FMR1: variants seen among roughly 807,000 people sequenced by gnomAD.
The protein encoded by FMR1 is fragile X messenger ribonucleoprotein 1, also known as FMRP translational regulator 1.
Under a neutral mutation model 50.6 loss-of-function variants are expected in FMR1, and 13 were observed. The observed-to-expected ratio is 0.26, with a 90% confidence interval of 0.17 to 0.41. FMR1 has a LOEUF of 0.41. Ranked by LOEUF, FMR1 falls within the 10% of genes least tolerant of loss-of-function variation. The pLI is 1.00. For missense variants in FMR1, 316 were observed against 491.3 expected, an observed-to-expected ratio of 0.64 and a Z score of 3.37; for synonymous variants, 138 against 164.1, an observed-to-expected ratio of 0.84 and a Z score of 1.22.
chrX:147,916,698 C>CTTTGTTTCTTTGG (rs2042886013), intron 1 of FMR1, among the ~76,000 whole-genome samples: 1 of 98,869 alleles, frequency 1.0e-5, no homozygotes, highest in African/African-American at 3.8e-5. Context: ...TGGTTTGTTT[C>CTTTGTTTCTTTGG]TTTGTTTCTT....
intron 14 of FMR1, chrX:147,944,441 T>C: frequency 2.7e-6 from 2 of 751,292 alleles, no homozygotes; most frequent in Middle Eastern, 7.6e-4. Flanking sequence ...CCAAAATATA[T>C]ACATTCCCCT....
At chrX:147,939,257 T>C (rs373823576) in intron 12 of FMR1, among the ~76,000 whole-genome samples, 1 of 110,696 alleles carries the variant, frequency 9.0e-6, no homozygotes, top group African/African-American at 3.4e-5. Context: ...AGTAGTTGTT[T>C]TTTTTTTCCC....
At chrX:147,945,127 G>A in intron 15 of FMR1, 76 bp downstream of exon 15, 1 of 1,151,253 alleles carries the variant, frequency 8.7e-7, no homozygotes, top group Non-Finnish European at 1.2e-6. Flanking sequence ...TCCTATTGAT[G>A]CAATGAACTG....
At chrX:147,924,668 C>T (rs893964022) in intron 2 of FMR1, among the ~76,000 whole-genome samples, 1 of 103,878 alleles carries the variant, frequency 9.6e-6, no homozygotes, top group African/African-American at 3.6e-5. Flanking sequence ...CATACCACTG[C>T]ACCTAATTTT....
chrX:147,928,463 C>T (rs955884134), intron 4 of FMR1, 70 bp downstream of exon 4: 51 of 875,024 alleles, frequency 5.8e-5, no homozygotes, highest in East Asian at 4.7e-4. Flanking sequence ...TGTACATTCC[C>T]GTGTGGATTT....
chrX:147,937,197 C>T (rs1290207152), intron 10 of FMR1, among the ~76,000 whole-genome samples: 5 of 111,226 alleles, frequency 4.5e-5, no homozygotes, highest in East Asian at 2.8e-4. Context: ...GAGGATGCAC[C>T]TTTCTGTGCA....
At position 147,921,969 on chromosome X, in the gene FMR1, G is replaced by A; in HGVS notation, c.88G>A (p.Val30Ile). The stretch of plus-strand genomic sequence containing the variant: ...GGATGTTCATGAAGATTCAATAACA[G>A]TTGCATTTGAAAACAAGTAAGTGTC... Reference protein sequence around the residue: ...VKDVHEDSITVAFENNWQPDR... With the variant: ...VKDVHEDSITIAFENNWQPDR... The change falls in exon 2 of 17, where the codon GTT becomes ATT. Residue 30 changes from valine (V) to isoleucine (I), a missense_variant. Val to Ile is a conservative substitution (Grantham distance 29, BLOSUM62 3). Coordinates refer to ENST00000370475, the MANE Select transcript of FMR1 (RefSeq NM_002024.6). The A allele has an allele frequency of 8.8e-7, 1 of 1,135,684 alleles. No homozygotes were observed. Among genetic ancestry groups the A allele is most frequent in the Non-Finnish European group, 1.2e-6 (1 of 827,202 alleles). 93.6% of individuals were successfully genotyped at this position (1,135,684 alleles called of 1,213,427 possible).
At position 147,931,725 on chromosome X, in the gene FMR1, T is replaced by C. The variant is rs782683523; in HGVS notation, c.631-700T>C. ...TTCGTCATCACTGGATATTTACAAG[T>C]GCTCATCATAATTGTGGATCCAGAT... On this transcript the variant is annotated intron_variant, in intron 7 of 16. Transcript: ENST00000370475. 7.1e-5 allele frequency among the ~76,000 whole-genome samples: 8 copies of C among 112,163 alleles called. No homozygotes were observed. In the South Asian group the frequency reaches 1.1e-3, roughly 15 times the overall value.
intron 12 of FMR1, chrX:147,940,187 G>GAAAAAAAAAAAAAAAAAAAAAA: frequency 1.4e-5 from 1 of 73,957 alleles, no homozygotes; most frequent in Non-Finnish European, 2.7e-5. Flanking sequence ...AAACAAAAAA[G>GAAAAAAAAAAAAAAAAAAAAAA]AAAAAAAAAA....
chrX:147,924,513 A>AT (rs532003086), intron 2 of FMR1, among the ~76,000 whole-genome samples: 12,725 of 64,952 alleles, frequency 0.2, 987 homozygotes, highest in East Asian at 0.56. Flanking sequence ...ATATATATAT[A>AT]TATTTTTTTT....
intron 12 of FMR1, 68 bp from the exon 13 acceptor site, chrX:147,940,508 G>A (rs1383221455): frequency 4.5e-5 from 31 of 687,553 alleles, no homozygotes; most frequent in African/African-American, 4.0e-4. Flanking sequence ...GGAATTAGTC[G>A]TTATTTGCAT....
intron 1 of FMR1, among the ~76,000 whole-genome samples, chrX:147,916,685 C>T (rs1012270803): frequency 1.0e-5 from 1 of 95,508 alleles, no homozygotes; most frequent in African/African-American, 3.9e-5. Context: ...TTCTTTGTTT[C>T]TTTGGTTTGT....
rs781819933 is a variant in FMR1, at chrX:147,937,451, C to T, written c.991-15C>T. The T allele has an allele frequency of 8.8e-6, 10 of 1,140,577 alleles. No homozygotes were observed. The Admixed American group carries it at 2.2e-4, about 25-fold the overall frequency. 94.0% of individuals were successfully genotyped at this position (1,140,577 alleles called of 1,213,427 possible). A position where few individuals can be genotyped will look rare whatever the true frequency, so the allele number is the denominator to read the frequency against. Reference sequence around the variant, plus strand: ...GTCCTTTTTTTCTCTTTTGTGTTTTCTGTTTTTTACCAAGGAAATTATGCC... The same window carrying T: ...GTCCTTTTTTTCTCTTTTGTGTTTTTTGTTTTTTACCAAGGAAATTATGCC... On this transcript the variant is annotated splice_polypyrimidine_tract_variant and intron_variant, in intron 10 of 16. Coordinates refer to ENST00000370475, the MANE Select transcript of FMR1 (RefSeq NM_002024.6).
chrX:147,917,207 G>A (rs2042915649), intron 1 of FMR1, among the ~76,000 whole-genome samples: 1 of 112,004 alleles, frequency 8.9e-6, no homozygotes, highest in African/African-American at 3.3e-5. Flanking sequence ...TCTCCTGTGA[G>A]CAGTGGTTCC....
At chrX:147,923,165 AG>A (rs1224230388) in intron 2 of FMR1, among the ~76,000 whole-genome samples, 1 of 111,888 alleles carries the variant, frequency 8.9e-6, no homozygotes, top group African/African-American at 3.2e-5. Flanking sequence ...TAGTATCCTT[AG>A]ATGCCTGAAA....
chrX:147,937,345 C>T, intron 10 of FMR1, 121 bp from the exon 11 acceptor site: 1 of 493,085 alleles, frequency 2.0e-6, no homozygotes. Context: ...TTTTATAAAC[C>T]AAAACTGTTT....
rs1931572001 is a variant in FMR1 at position 147,911,967 on chromosome X, CGCCTCTGAG to C, written c.-212_-204del. 9.5e-6 allele frequency: 1 copy of C among 105,801 alleles called. No homozygotes were observed. The highest frequency in any genetic ancestry group is 2.0e-5 in the Non-Finnish European group (1 of 50,680). 8.7% of individuals were successfully genotyped at this position (105,801 alleles called of 1,213,427 possible). A position where few individuals can be genotyped will look rare whatever the true frequency, so the allele number is the denominator to read the frequency against. On this transcript the variant is annotated 5_prime_UTR_variant, in exon 1 of 17. Transcript: ENST00000370475. ...TTCGGTTTCACTTCCGGTGGAGGGCCGCCTCTGAGCGGGCGGCGGGCCGACGGCGAGCGC... is the reference window on the plus strand; with the variant it reads ...TTCGGTTTCACTTCCGGTGGAGGGCCCGGGCGGCGGGCCGACGGCGAGCGC...
intron 2 of FMR1, among the ~76,000 whole-genome samples, chrX:147,924,415 C>T (rs1341106999): frequency 9.1e-6 from 1 of 109,397 alleles, no homozygotes; most frequent in South Asian, 3.9e-4. Context: ...TGTGACTGCT[C>T]CGGAAGTTGA....
chrX:147,940,948 A>T (rs2043980976), intron 13 of FMR1, among the ~76,000 whole-genome samples: 1 of 112,013 alleles, frequency 8.9e-6, no homozygotes, highest in Admixed American at 9.4e-5. Context: ...ATAGCCTGTT[A>T]ATCCATTTGA....
Sources: allele counts gnomAD v4.1 joint callset (sites outside exome capture counted in the v4.1 genomes callset), GRCh38; gene constraint gnomAD v4.1.1; transcripts MANE v1.5; gene names NCBI Gene and HGNC (gene_info 2026-07-23, HGNC 2026-07-21).